Variants in EYA2 observed in about 807,000 individuals in gnomAD.
EYA2 encodes EYA transcriptional coactivator and phosphatase 2, also known as protein phosphatase EYA2.
EYA2 carries 31 observed loss-of-function variants against 69.2 expected under a neutral mutation model. The ratio of observed to expected loss-of-function variants is 0.45; its 90% CI spans 0.34 to 0.60. EYA2 has a LOEUF of 0.60. Ranked by LOEUF, EYA2 falls within the 20% of genes least tolerant of loss-of-function variation. The probability of loss-of-function intolerance (pLI) is 0.02; values close to 1 mark genes in which losing one functional copy is unlikely to be tolerated. For missense variants in EYA2, 622 were observed against 701.2 expected (o/e 0.89, Z 1.28); for synonymous variants, 257 against 279.4 (o/e 0.92, Z 0.80).
At chr20:46,983,730 G>A (rs1293197287) in intron 1 of EYA2, among the ~76,000 whole-genome samples, 1 of 152,084 alleles carries the variant, frequency 6.6e-6, no homozygotes, top group Non-Finnish European at 1.5e-5. Flanking sequence ...AACTACTTTA[G>A]TAATCCTGAA....
Position 47,001,466 on chromosome 20 carries a change from T to C in EYA2, c.148T>C (p.Phe50Leu), listed in dbSNP as rs1487084475. 3 of 1,614,188 alleles carry C rather than the reference T, an allele frequency of 1.9e-6. No individual in the cohort carries two copies. The East Asian group carries it at 6.7e-5, about 36-fold the overall frequency. Residue 50 changes from phenylalanine to leucine, a missense_variant, in exon 3 of 16, where the codon TTC (phenylalanine) becomes CTC (leucine). Transcript: ENST00000327619. ...KSAPLRVSQL[F>L]SRSCPRVLPR... The stretch of plus-strand genomic sequence containing the variant: ...GGCCCCCCTGAGAGTGTCCCAGCTC[T>C]TCTCCAGGTGAGTGCCATTCACTTG...
intron 4 of EYA2, among the ~76,000 whole-genome samples, chr20:47,013,519 T>A (rs1003961338): frequency 6.6e-6 from 1 of 152,226 alleles, no homozygotes; most frequent in Admixed American, 6.5e-5. Flanking sequence ...TGAGGAAGTA[T>A]GTACATTTCA....
chr20:47,177,694 G>A (rs949877840), intron 12 of EYA2, among the ~76,000 whole-genome samples: 1 of 152,234 alleles, frequency 6.6e-6, no homozygotes, highest in Non-Finnish European at 1.5e-5. Context: ...CTTCTATGTA[G>A]AGAAGACGAT....
At chr20:47,141,768 A>G (rs2033601987) in intron 9 of EYA2, among the ~76,000 whole-genome samples, 2 of 152,202 alleles carry the variant, frequency 1.3e-5, no homozygotes, top group Admixed American at 6.5e-5. Context: ...GGAAGTGTGC[A>G]CTGGCTCCTA....
chr20:46,950,166 G>A (rs1978710144), intron 1 of EYA2, among the ~76,000 whole-genome samples: 1 of 152,160 alleles, frequency 6.6e-6, no homozygotes, highest in Non-Finnish European at 1.5e-5. Context: ...TTTCTCCCAG[G>A]ATAACATGTA....
chr20:46,941,447 C>T (rs998056436), intron 1 of EYA2, among the ~76,000 whole-genome samples: 18 of 152,188 alleles, frequency 1.2e-4, no homozygotes, highest in Middle Eastern at 3.2e-3. Context: ...TTTCAAAATC[C>T]GCAAACTAAG....
chr20:47,077,825 T>C (rs2031571304), intron 7 of EYA2, among the ~76,000 whole-genome samples: 1 of 152,218 alleles, frequency 6.6e-6, no homozygotes, highest in Non-Finnish European at 1.5e-5. Context: ...ACAAAGTTTT[T>C]CTCTGTCATC....
At position 46,963,782 on chromosome 20, in the gene EYA2, G is replaced by A. The variant is rs561529740; in HGVS notation, c.-10-26219G>A. Reference sequence around the variant, plus strand: ...TGGCCTCCCTGAGGAGGTAGCCTTCGGCTAAGCCAGGCGAACAAGCAGGAA... The same window carrying A: ...TGGCCTCCCTGAGGAGGTAGCCTTCAGCTAAGCCAGGCGAACAAGCAGGAA... On this transcript the variant is annotated intron_variant, in intron 1 of 15. Coordinates refer to ENST00000327619, the MANE Select transcript of EYA2 (RefSeq NM_005244.5). 4.1e-3 allele frequency among the ~76,000 whole-genome samples: 618 copies of A among 152,354 alleles called. 12 individuals are homozygous for A. The highest frequency in any genetic ancestry group is 2.9e-3 in the Non-Finnish European group (199 of 68,026).
intron 1 of EYA2, chr20:46,901,077 T>G (rs530141511): frequency 6.6e-6 from 1 of 152,268 alleles, no homozygotes; most frequent in Non-Finnish European, 1.5e-5. Flanking sequence ...GAGCCCGTGG[T>G]TGAAAGATCT....
At chr20:47,045,633 C>T (rs1366517887) in intron 5 of EYA2, among the ~76,000 whole-genome samples, 1 of 152,170 alleles carries the variant, frequency 6.6e-6, no homozygotes, top group Non-Finnish European at 1.5e-5. Context: ...CTGAAGCTGC[C>T]CCTGTCTTCT....
chr20:47,069,862 GCA>G (rs2031249143), intron 5 of EYA2, among the ~76,000 whole-genome samples: 1 of 124,328 alleles, frequency 8.0e-6, no homozygotes, highest in African/African-American at 3.7e-5. Flanking sequence ...ACATATATAT[GCA>G]CATATATATA....
In EYA2 at chr20:47,085,688, G is replaced by T. The variant is rs148977144; in HGVS notation, c.662-3551G>T. Reference sequence around the variant, plus strand: ...AAGAAATGAAGTATCGATAAACACCGCATGTACTGAATCTCAAAGCAATTA... The same window carrying T: ...AAGAAATGAAGTATCGATAAACACCTCATGTACTGAATCTCAAAGCAATTA... On this transcript the variant is annotated intron_variant, in intron 7 of 15. Transcript: ENST00000327619. 2.0e-4 allele frequency among the ~76,000 whole-genome samples: 31 copies of T among 151,674 alleles called. 1 individual carries two copies. Among genetic ancestry groups the T allele is most frequent in the Admixed American group, 2.0e-4 (3 of 15,184 alleles).
At chr20:47,152,194 G>A (rs145327173) in intron 10 of EYA2, among the ~76,000 whole-genome samples, 239 of 151,938 alleles carry the variant, frequency 1.6e-3, no homozygotes, top group African/African-American at 5.5e-3. Flanking sequence ...CCTGGTTTCT[G>A]GTTCTGCAAC....
At chr20:47,065,760 G>C (rs2031085828) in intron 5 of EYA2, among the ~76,000 whole-genome samples, 2 of 152,072 alleles carry the variant, frequency 1.3e-5, no homozygotes, top group African/African-American at 4.8e-5. Context: ...TCTCATCATA[G>C]ACTGGTAATA....
intron 1 of EYA2, among the ~76,000 whole-genome samples, chr20:46,897,190 T>C (rs1391184224): frequency 6.6e-6 from 1 of 152,146 alleles, no homozygotes; most frequent in African/African-American, 2.4e-5. Flanking sequence ...TTAAATTGCG[T>C]GTAAGAGATT....
intron 9 of EYA2, among the ~76,000 whole-genome samples, chr20:47,103,886 A>G (rs969310497): frequency 3.9e-5 from 6 of 152,234 alleles, no homozygotes; most frequent in Admixed American, 3.9e-4. Context: ...ATTATGAATA[A>G]TGCTGCTATG....
intron 8 of EYA2, among the ~76,000 whole-genome samples, chr20:47,090,962 A>C (rs754246281): frequency 1.3e-5 from 2 of 152,010 alleles, no homozygotes; most frequent in Non-Finnish European, 2.9e-5. Flanking sequence ...TGAAAAAGGC[A>C]GTCAGTTGCT....
chr20:47,029,865 G>C (rs1346802005), intron 5 of EYA2, among the ~76,000 whole-genome samples: 1 of 152,106 alleles, frequency 6.6e-6, no homozygotes, highest in Non-Finnish European at 1.5e-5. Context: ...AAAGTTCTAT[G>C]TATGTTAAAG....
chr20:47,161,858 G>A (rs1837358767), intron 10 of EYA2, among the ~76,000 whole-genome samples: 1 of 152,238 alleles, frequency 6.6e-6, no homozygotes, highest in African/African-American at 2.4e-5. Context: ...ATGGGTCCGG[G>A]TGCTGGCTCC....
Sources: gnomAD v4.1 joint callset for allele counts (sites outside exome capture counted in the v4.1 genomes callset) on GRCh38, gnomAD v4.1.1 for gene constraint, MANE v1.5 for transcripts, NCBI Gene and HGNC (gene_info 2026-07-23, HGNC 2026-07-21) for gene names.